Variants in NBEAL2 observed in about 807,000 individuals in gnomAD.
NBEAL2 encodes the protein neurobeachin-like protein 2.
NBEAL2 carries 160 observed loss-of-function variants against 299.8 expected under a neutral mutation model. That is an observed-to-expected ratio of 0.53 (90% confidence interval 0.47 to 0.61). The LOEUF (loss-of-function observed/expected upper bound fraction) is 0.61. NBEAL2 is among the 20% of genes least tolerant of loss of function. NBEAL2 has a pLI of 0.00. For synonymous variants in NBEAL2, 1,493 were observed against 1,542.3 expected (o/e 0.97, Z 0.75); for missense variants, 3,112 against 3,649.0 (o/e 0.85, Z 3.79).
intron 42 of NBEAL2, 27 bp downstream of exon 42, chr3:47,005,874 C>T: frequency 1.9e-6 from 3 of 1,612,684 alleles, no homozygotes; most frequent in Non-Finnish European, 2.5e-6. Flanking sequence ...AGGCAAACGG[C>T]AGGCAGCCGG....
intron 6 of NBEAL2, among the ~76,000 whole-genome samples, chr3:46,990,596 G>A (rs957503066): frequency 1.3e-5 from 2 of 152,176 alleles, no homozygotes; most frequent in Non-Finnish European, 2.9e-5. Context: ...TCAAGCCCCA[G>A]CCCTACTCTT....
At chr3:46,990,034 C>A (rs745855539) in intron 6 of NBEAL2, among the ~76,000 whole-genome samples, 1 of 152,104 alleles carries the variant, frequency 6.6e-6, no homozygotes, top group Non-Finnish European at 1.5e-5. Flanking sequence ...CACAGGTGGT[C>A]CTGTGAACCT....
rs776391524 is a variant in NBEAL2 at position 47,006,203 on chromosome 3, C to A, written c.6958C>A (p.Arg2320=). 3.1e-6 allele frequency: 5 copies of A among 1,613,860 alleles called. No individual in the cohort carries two copies. The highest frequency in any genetic ancestry group is 4.2e-6 in the Non-Finnish European group (5 of 1,179,876). ...GGACCATGTGACAGATGAGCGGGAA[C>A]GGAAGGCTCTGGAGGGCATTATCAG... ...DLDHVTDERE[R]KALEGIISNF... The change falls in exon 44 of 54, where the codon CGG becomes AGG. Residue 2320 remains arginine, a synonymous_variant. Coordinates refer to ENST00000450053, the MANE Select transcript of NBEAL2 (RefSeq NM_015175.3).
rs568936107 is a variant in NBEAL2 at position 47,007,730 on chromosome 3, G to T, written c.7507+33G>T. 7 of 1,608,926 alleles carry T rather than the reference G, an allele frequency of 4.4e-6. No individual in the cohort carries two copies. The South Asian group carries it at 7.7e-5, about 18-fold the overall frequency. ...CAGCCTTGGAGCTGGGGAGAATGAG[G>T]CACACAGGTATGGGGCCGGGTTCTG... On this transcript the variant is annotated intron_variant, in intron 48 of 53. Transcript: ENST00000450053.
At chr3:46,986,278 G>A (rs1214441881) in intron 1 of NBEAL2, among the ~76,000 whole-genome samples, 1 of 152,194 alleles carries the variant, frequency 6.6e-6, no homozygotes. Flanking sequence ...TACTCTAGGA[G>A]TATGTAGAGA....
chr3:46,999,353 G>C lies in NBEAL2; in HGVS notation c.3582G>C (p.Glu1194Asp). 1 of 1,610,774 alleles carries C rather than the reference G, an allele frequency of 6.2e-7. No homozygotes were observed. The highest frequency in any genetic ancestry group is 8.5e-7 in the Non-Finnish European group (1 of 1,179,324). Reference protein sequence around the residue: ...RRLQQNERLPERSRQRLRLRE... With the variant: ...RRLQQNERLPDRSRQRLRLRE... ...TGCAGCAGAATGAGCGGCTACCTGA[G>C]CGGAGCCGCCAGCGCCTCCGGCTGC... Residue 1194 changes from glutamate (E) to aspartate (D), a missense_variant, in exon 25 of 54, where the codon GAG (glutamate) becomes GAC (aspartate). Physicochemically the swap from Glu to Asp is conservative, Grantham distance 45 (BLOSUM62 2). Around this residue, in one of 3 missense-constraint regions of NBEAL2, gnomAD observed 2,243 missense variants for 2,538.1 expected, o/e 0.88. Transcript: ENST00000450053.
Position 47,002,086 on chromosome 3 carries a change from C to G in NBEAL2, c.4949C>G (p.Ala1650Gly), listed in dbSNP as rs2107406141. ...ACTGATGAGGCAGGGTCCCCACTTG[C>G]AGCTGCAGCAGCTGCAGCAGCTGCA... is the stretch of plus-strand genomic sequence containing the variant. ...SATDEAGSPLAAAAAAAAAER... is the reference protein window; with the variant it reads ...SATDEAGSPLGAAAAAAAAER... Residue 1650 changes from alanine to glycine, a missense_variant, in exon 31 of 54, where the codon GCA (alanine) becomes GGA (glycine). Around this residue, in one of 3 missense-constraint regions of NBEAL2, gnomAD observed 2,243 missense variants for 2,538.1 expected, o/e 0.88. Transcript: ENST00000450053. 1.3e-6 allele frequency: 2 copies of G among 1,547,190 alleles called. No homozygotes were observed. The highest frequency in any genetic ancestry group is 2.4e-5 in the East Asian group (1 of 40,842).
Position 47,008,182 on chromosome 3 carries a change from C to T in NBEAL2, c.7715C>T (p.Ser2572Phe), listed in dbSNP as rs745844133. ...GAACTTGACATGGCTGTGTCTGGATCTGAGGTGTGTGTATGCATGTGCCCT... is the reference window on the plus strand; with the variant it reads ...GAACTTGACATGGCTGTGTCTGGATTTGAGGTGTGTGTATGCATGTGCCCT... Reference protein sequence around the residue: ...STELDMAVSGSEDGTVIIHTV... With the variant: ...STELDMAVSGFEDGTVIIHTV... Residue 2572 changes from serine (S) to phenylalanine (F), a missense_variant, in exon 50 of 54, where the codon TCT becomes TTT. Ser to Phe is a radical substitution (Grantham distance 155). This residue lies in a region of NBEAL2 where 348 missense variants were observed against 381.4 expected (regional missense o/e 0.91). Transcript: ENST00000450053. 1 of 1,613,946 alleles carries T rather than the reference C, an allele frequency of 6.2e-7. No individual in the cohort carries two copies. Among genetic ancestry groups the T allele is most frequent in the East Asian group, 2.2e-5 (1 of 44,888 alleles).
Position 46,991,544 on chromosome 3 carries a change from T to C in NBEAL2, c.781T>C (p.Leu261=), listed in dbSNP as rs759737368. 1.2e-6 allele frequency: 2 copies of C among 1,607,868 alleles called. No homozygotes were observed. Among genetic ancestry groups the C allele is most frequent in the Non-Finnish European group, 1.7e-6 (2 of 1,179,870 alleles). Reference sequence around the variant, plus strand: ...GGCACTGGTAGGTGCAGTCCATGTCTTGCATGCCAGCCGCGCACCTCCTCG... The same window carrying C: ...GGCACTGGTAGGTGCAGTCCATGTCCTGCATGCCAGCCGCGCACCTCCTCG... ...LEALVGAVHV[L]HASRAPPRGP... The change falls in exon 8 of 54, where the codon TTG becomes CTG. Residue 261 remains leucine, a synonymous_variant. Coordinates refer to ENST00000450053, the MANE Select transcript of NBEAL2 (RefSeq NM_015175.3). The surrounding 1 kb of genome is among the most constrained non-coding windows in gnomAD (Gnocchi z 6.2).
Position 47,008,125 on chromosome 3 carries a change from G to A in NBEAL2, c.7658G>A (p.Gly2553Glu), listed in dbSNP as rs144664865. The A allele has an allele frequency of 3.0e-3, 4,828 of 1,613,996 alleles. 17 individuals carry two copies. The highest frequency in any genetic ancestry group is 3.6e-3 in the Non-Finnish European group (4,305 of 1,179,884). ...CCTGTGCAGGTCCTGTATGGGCATG[G>A]GGCTGCAGTGAGCTGTGTGGCCATC... ...PKPVQVLYGH[G>E]AAVSCVAIST... Residue 2553 changes from glycine (G) to glutamate (E), a missense_variant, in exon 50 of 54, where the codon GGG becomes GAG. Physicochemically the swap from Gly to Glu is moderately conservative, Grantham distance 98. Around this residue, in one of 3 missense-constraint regions of NBEAL2, gnomAD observed 348 missense variants for 381.4 expected, o/e 0.91. Transcript: ENST00000450053.
At chr3:47,005,128 G>T in intron 39 of NBEAL2, 32 bp downstream of exon 39, 1 of 1,613,910 alleles carries the variant, frequency 6.2e-7, no homozygotes, top group Non-Finnish European at 8.5e-7. Context: ...GGCTCAGCGG[G>T]TAGGGAAAGG....
intron 9 of NBEAL2, 70 bp from the exon 10 acceptor site, chr3:46,992,405 C>A: frequency 7.0e-7 from 1 of 1,420,518 alleles, no homozygotes; most frequent in Non-Finnish European, 9.7e-7. Context: ...CCTGCTCTAA[C>A]CCCACCCTCT....
intron 6 of NBEAL2, among the ~76,000 whole-genome samples, chr3:46,990,938 G>A (rs2036036977): frequency 6.6e-6 from 1 of 152,154 alleles, no homozygotes; most frequent in Non-Finnish European, 1.5e-5. Flanking sequence ...CCCTCACTTT[G>A]GGGCTTAAGG....
rs1243482578 is a variant in NBEAL2, at chr3:46,991,312, G to A, written c.642+8G>A. On this transcript the variant is annotated splice_region_variant and intron_variant, in intron 7 of 53. Coordinates refer to ENST00000450053, the MANE Select transcript of NBEAL2 (RefSeq NM_015175.3). This position sits in a 1 kb window ranked among gnomAD's most constrained non-coding sequence, Gnocchi z 6.2. ...GTCCTCGCTGGAGGAAAGGTAGGCTGGGAGGTGAGCCTGTGGACTAGAGAG... is the reference window on the plus strand; with the variant it reads ...GTCCTCGCTGGAGGAAAGGTAGGCTAGGAGGTGAGCCTGTGGACTAGAGAG... 1 of 1,597,314 alleles carries A rather than the reference G, an allele frequency of 6.3e-7. No individual in the cohort carries two copies. Among genetic ancestry groups the A allele is most frequent in the Non-Finnish European group, 8.5e-7 (1 of 1,171,658 alleles).
chr3:46,997,139 G>A (rs1335585769), intron 18 of NBEAL2, 93 bp downstream of exon 18: 6 of 1,552,632 alleles, frequency 3.9e-6, no homozygotes, highest in African/African-American at 1.4e-5. Flanking sequence ...CTGTGCCTGG[G>A]GAGGATTTGG....
Position 46,995,995 on chromosome 3 carries a change from TACAAA to T in NBEAL2, c.2096_2100del (p.Tyr699Ter). On this transcript the variant is annotated frameshift_variant, in exon 15 of 54. Transcript: ENST00000450053. LOFTEE classifies it high-confidence loss of function. ...CTTCAGCCAGAACCTGGTCCATGTC[TACAAA>T]GACGGCCATCTGGTCAAGACAGCAC... 1 of 1,612,944 alleles carries T rather than the reference TACAAA, an allele frequency of 6.2e-7. No individual in the cohort carries two copies.
At chr3:46,996,665 G>A (rs2036525049) in intron 16 of NBEAL2, 73 bp downstream of exon 16, 3 of 1,535,200 alleles carry the variant, frequency 2.0e-6, no homozygotes, top group African/African-American at 2.8e-5. Context: ...AGGCATCTCT[G>A]GGGGTCTCTC....
Position 47,005,085 on chromosome 3 carries a change from C to T in NBEAL2, c.6408C>T (p.Leu2136=), listed in dbSNP as rs749629846. The T allele has an allele frequency of 1.4e-5, 23 of 1,613,566 alleles. No individual in the cohort carries two copies. The highest frequency in any genetic ancestry group is 1.9e-5 in the Non-Finnish European group (22 of 1,179,860). ...IGVVNPKHAQ[L]VREKYESFED... is the part of the protein sequence containing the mutation. ...TGGTGAACCCCAAGCATGCCCAGCT[C>T]GTGAGGGAGAAGTGAGCATGTGGGC... Residue 2136 remains leucine (L), a synonymous_variant, in exon 39 of 54, where the codon CTC becomes CTT. Transcript: ENST00000450053.
chr3:46,980,590 G>C (rs1334981305), intron 1 of NBEAL2, among the ~76,000 whole-genome samples: 1 of 152,108 alleles, frequency 6.6e-6, no homozygotes, highest in Non-Finnish European at 1.5e-5. Flanking sequence ...GTGAGGGTGG[G>C]TCCTTGAGGC....
Sources: allele counts gnomAD v4.1 joint callset (sites outside exome capture counted in the v4.1 genomes callset), GRCh38; gene constraint gnomAD v4.1.1; regional missense constraint gnomAD v4.1.1; non-coding constraint Gnocchi (gnomAD v3.1); transcripts MANE v1.5; gene names NCBI Gene and HGNC (gene_info 2026-07-23, HGNC 2026-07-21).